The following CNTNAP2 variants were observed in gnomAD, a reference collection of about 807,000 sequenced individuals.
The protein encoded by CNTNAP2 is contactin associated protein 2.
A neutral mutation model predicts 155.2 loss-of-function variants in CNTNAP2; 98 were observed. The ratio of observed to expected loss-of-function variants is 0.63; its 90% CI spans 0.54 to 0.75. The LOEUF (loss-of-function observed/expected upper bound fraction) is 0.75. CNTNAP2 is among the 30% of genes least tolerant of loss of function. The probability of loss-of-function intolerance (pLI) is 0.00; values close to 1 mark genes in which losing one functional copy is unlikely to be tolerated. For missense variants in CNTNAP2, 1,727 were observed against 1,688.1 expected, an observed-to-expected ratio of 1.02 and a Z score of -0.40; for synonymous variants, 651 against 631.2, an observed-to-expected ratio of 1.03 and a Z score of -0.47.
At chr7:148,204,808 T>C (rs1049132562) in intron 18 of CNTNAP2, among the ~76,000 whole-genome samples, 10 of 152,206 alleles carry the variant, frequency 6.6e-5, no homozygotes, top group Non-Finnish European at 1.3e-4. Context: ...GAGTGTGGGC[T>C]CTGAAGTTCA....
chr7:147,619,852 T>G (rs1007529437), intron 12 of CNTNAP2, among the ~76,000 whole-genome samples: 1 of 151,602 alleles, frequency 6.6e-6, no homozygotes, highest in African/African-American at 2.4e-5. Context: ...AGCCAGGGAG[T>G]GGTTACAGCA....
At chr7:147,212,544 T>C (rs964484883) in intron 8 of CNTNAP2, among the ~76,000 whole-genome samples, 6 of 152,164 alleles carry the variant, frequency 3.9e-5, no homozygotes, top group South Asian at 4.2e-4. Context: ...TTGGTACTCA[T>C]TGACAAAAAG....
chr7:147,917,929 C>T (rs1800189090), intron 14 of CNTNAP2, among the ~76,000 whole-genome samples: 1 of 152,132 alleles, frequency 6.6e-6, no homozygotes, highest in South Asian at 2.1e-4. Flanking sequence ...CATCGCTGGT[C>T]CTTTACCTAC....
rs71183039 is a variant in CNTNAP2, at chr7:147,948,628, T to TACAC, written c.2256-29222_2256-29219dup. Among the ~76,000 whole-genome samples the TACAC allele has an allele frequency of 6.1e-4, 91 of 148,436 alleles. 1 individual carries two copies. Among genetic ancestry groups the TACAC allele is most frequent in the African/African-American group, 2.0e-3 (80 of 40,350 alleles). ...ATGTATGTATATATACATATATATT[T>TACAC]ACACACACACACACATATACACACA... is the stretch of plus-strand genomic sequence containing the variant. On this transcript the variant is annotated intron_variant, in intron 14 of 23. Transcript: ENST00000361727.
At chr7:147,543,537 CTTTG>C (rs1429699168) in intron 11 of CNTNAP2, among the ~76,000 whole-genome samples, 2 of 152,100 alleles carry the variant, frequency 1.3e-5, no homozygotes, top group Non-Finnish European at 2.9e-5. Context: ...TCCTACTTTC[CTTTG>C]TTTGTTCTGT....
chr7:148,323,578 A>G (rs138998775), intron 21 of CNTNAP2, among the ~76,000 whole-genome samples: 1 of 152,090 alleles, frequency 6.6e-6, no homozygotes, highest in Non-Finnish European at 1.5e-5. Flanking sequence ...TTCTTTGTCC[A>G]TAGATGAATC....
chr7:148,315,493 G>A (rs572184081), intron 21 of CNTNAP2, among the ~76,000 whole-genome samples: 91 of 152,214 alleles, frequency 6.0e-4, no homozygotes, highest in South Asian at 1.5e-3. Context: ...GTTAAGGCAG[G>A]AACAGGCCAT....
At chr7:146,835,892 A>T (rs956288858) in intron 2 of CNTNAP2, among the ~76,000 whole-genome samples, 7 of 152,132 alleles carry the variant, frequency 4.6e-5, no homozygotes, top group Non-Finnish European at 8.8e-5. Flanking sequence ...CTGTGAAGAC[A>T]CCTCAGAGTT....
chr7:146,178,364 T>C (rs1230122544), intron 1 of CNTNAP2, among the ~76,000 whole-genome samples: 4 of 152,178 alleles, frequency 2.6e-5, no homozygotes, highest in Admixed American at 2.6e-4. Context: ...TTGTATTTCT[T>C]TTCTGTTAAT....
At chr7:146,992,658 C>G (rs1798231134) in intron 3 of CNTNAP2, among the ~76,000 whole-genome samples, 1 of 152,064 alleles carries the variant, frequency 6.6e-6, no homozygotes, top group African/African-American at 2.4e-5. Flanking sequence ...TCTGGGGACC[C>G]CTTTGTACCT....
At chr7:147,209,728 G>C (rs928516249) in intron 8 of CNTNAP2, among the ~76,000 whole-genome samples, 9 of 151,910 alleles carry the variant, frequency 5.9e-5, no homozygotes, top group Non-Finnish European at 1.0e-4. Context: ...GGTTGTCATA[G>C]ATGGATCTTA....
intron 10 of CNTNAP2, among the ~76,000 whole-genome samples, chr7:147,456,059 T>C (rs781457167): frequency 6.6e-6 from 1 of 152,152 alleles, no homozygotes; most frequent in African/African-American, 2.4e-5. Context: ...TGTACTTGTA[T>C]GTATGTATAT....
At chr7:147,235,013 G>T (rs1803767372) in intron 8 of CNTNAP2, among the ~76,000 whole-genome samples, 1 of 152,040 alleles carries the variant, frequency 6.6e-6, no homozygotes, top group Admixed American at 6.6e-5. Context: ...ATTATATTCT[G>T]GGTGCTTTTG....
At chr7:146,288,297 C>CA (rs570614933) in intron 1 of CNTNAP2, among the ~76,000 whole-genome samples, 16,535 of 91,052 alleles carry the variant, frequency 0.18, 1,160 homozygotes, top group Non-Finnish European at 0.25. Flanking sequence ...GATCCTGCCT[C>CA]AAAAAAAAAA....
At chr7:146,704,283 C>G (rs1173289478) in intron 1 of CNTNAP2, among the ~76,000 whole-genome samples, 1 of 152,070 alleles carries the variant, frequency 6.6e-6, no homozygotes, top group Non-Finnish European at 1.5e-5. Flanking sequence ...CCTCATTGCC[C>G]AGTCCCAGCA....
intron 12 of CNTNAP2, among the ~76,000 whole-genome samples, chr7:147,569,363 C>T (rs1316241157): frequency 7.1e-6 from 1 of 140,932 alleles, no homozygotes; most frequent in East Asian, 1.9e-4. Flanking sequence ...ACCTCCACCT[C>T]CCCCTCCCCG....
At chr7:148,104,384 A>G (rs912319715) in intron 15 of CNTNAP2, among the ~76,000 whole-genome samples, 2 of 152,130 alleles carry the variant, frequency 1.3e-5, no homozygotes, top group African/African-American at 2.4e-5. Flanking sequence ...GCTTTTTTCC[A>G]CATTTTACTC....
At chr7:146,341,467 A>T (rs566423653) in intron 1 of CNTNAP2, among the ~76,000 whole-genome samples, 1 of 152,140 alleles carries the variant, frequency 6.6e-6, no homozygotes, top group African/African-American at 2.4e-5. Flanking sequence ...AGATGACAGG[A>T]TGCATGCAAT....
At chr7:146,656,053 T>TGTTC (rs1799991556) in intron 1 of CNTNAP2, among the ~76,000 whole-genome samples, 1 of 152,222 alleles carries the variant, frequency 6.6e-6, no homozygotes. Context: ...AAACAGGCAG[T>TGTTC]GTTCAAAAAT....
Sources: gnomAD v4.1 joint callset for allele counts (sites outside exome capture counted in the v4.1 genomes callset) on GRCh38, gnomAD v4.1.1 for gene constraint, MANE v1.5 for transcripts, NCBI Gene and HGNC (gene_info 2026-07-23, HGNC 2026-07-21) for gene names.